VEPH1: variants seen among roughly 807,000 people sequenced by gnomAD.
VEPH1 encodes ventricular zone-expressed PH domain-containing protein homolog 1.
A neutral mutation model predicts 85.2 loss-of-function variants in VEPH1; 80 were observed. That is an observed-to-expected ratio of 0.94 (90% CI 0.78 to 1.13). The LOEUF is 1.13. Ranked by LOEUF, VEPH1 falls within the 50% of genes most tolerant of loss-of-function variation. The pLI is 0.00. For synonymous variants in VEPH1, 297 were observed against 348.0 expected, an observed-to-expected ratio of 0.85 and a Z score of 1.63; for missense variants, 955 against 980.5, an observed-to-expected ratio of 0.97 and a Z score of 0.35.
At chr3:157,439,435 G>A (rs1733938472) in intron 4 of VEPH1, among the ~76,000 whole-genome samples, 1 of 152,106 alleles carries the variant, frequency 6.6e-6, no homozygotes. Flanking sequence ...CTAAGAACCT[G>A]GTTTTAATTT....
intron 12 of VEPH1, among the ~76,000 whole-genome samples, chr3:157,280,591 CTA>C (rs1006469079): frequency 6.6e-6 from 1 of 152,146 alleles, no homozygotes; most frequent in Non-Finnish European, 1.5e-5. Context: ...AGCTCTTTGC[CTA>C]TGTGTATATT....
intron 6 of VEPH1, among the ~76,000 whole-genome samples, chr3:157,383,279 A>ACACAAT (rs1728960471): frequency 6.6e-6 from 1 of 152,188 alleles, no homozygotes; most frequent in African/African-American, 2.4e-5. Flanking sequence ...TTTAAAGAAC[A>ACACAAT]CACAATCCCC....
chr3:157,347,981 G>C (rs62278582), intron 9 of VEPH1, among the ~76,000 whole-genome samples: 33,538 of 152,176 alleles, frequency 0.22, 4,552 homozygotes, highest in Admixed American at 0.42. Flanking sequence ...CCTCCTCTGG[G>C]GGTCAGTGGC....
chr3:157,502,945 TAA>T (rs1257196427), intron 1 of VEPH1, among the ~76,000 whole-genome samples: 2 of 152,172 alleles, frequency 1.3e-5, no homozygotes, highest in African/African-American at 2.4e-5. Context: ...AACAAAAGTA[TAA>T]AATAGAAATG....
At chr3:157,264,567 T>C (rs1433660599) in intron 13 of VEPH1, among the ~76,000 whole-genome samples, 2 of 152,228 alleles carry the variant, frequency 1.3e-5, no homozygotes, top group Non-Finnish European at 2.9e-5. Context: ...AGAACATGCT[T>C]TGGTGTAACA....
At chr3:157,307,200 A>C (rs1719611938) in intron 11 of VEPH1, among the ~76,000 whole-genome samples, 1 of 150,808 alleles carries the variant, frequency 6.6e-6, no homozygotes, top group Non-Finnish European at 1.5e-5. Flanking sequence ...ATTAATGACT[A>C]TATATATATA....
intron 2 of VEPH1, among the ~76,000 whole-genome samples, chr3:157,477,446 G>T (rs1737586599): frequency 6.6e-6 from 1 of 151,996 alleles, no homozygotes; most frequent in African/African-American, 2.4e-5. Context: ...GCCCATGTAA[G>T]ATTACATTCA....
At chr3:157,451,056 T>C (rs1338930742) in intron 4 of VEPH1, among the ~76,000 whole-genome samples, 1 of 152,232 alleles carries the variant, frequency 6.6e-6, no homozygotes, top group African/African-American at 2.4e-5. Context: ...TTGTCTGGTA[T>C]TGATATCATG....
chr3:157,470,009 C>T (rs1029102699), intron 3 of VEPH1, among the ~76,000 whole-genome samples: 1 of 152,102 alleles, frequency 6.6e-6, no homozygotes, highest in Admixed American at 6.5e-5. Flanking sequence ...TTTTTTAGTA[C>T]TCCTCCTGTG....
intron 6 of VEPH1, among the ~76,000 whole-genome samples, chr3:157,406,776 C>T (rs1041549794): frequency 2.1e-5 from 3 of 145,330 alleles, no homozygotes; most frequent in Non-Finnish European, 4.5e-5. Context: ...AATTTTAAAG[C>T]ATCTTGTCTC....
chr3:157,389,545 G>C (rs1448723763), intron 6 of VEPH1, among the ~76,000 whole-genome samples: 1 of 152,074 alleles, frequency 6.6e-6, no homozygotes, highest in African/African-American at 2.4e-5. Context: ...TGCTTTCAAA[G>C]ACATTTTTAG....
chr3:157,437,728 G>C, intron 4 of VEPH1: 1 of 1,514,168 alleles, frequency 6.6e-7, no homozygotes, highest in Non-Finnish European at 8.8e-7. Context: ...GCTGACCAGT[G>C]CTCTGGACGA....
At chr3:157,375,454 G>A (rs186682983) in intron 7 of VEPH1, among the ~76,000 whole-genome samples, 138 of 152,288 alleles carry the variant, frequency 9.1e-4, no homozygotes, top group African/African-American at 3.0e-3. Flanking sequence ...AAAGGGCCTC[G>A]TAGTTGAAAA....
chr3:157,393,644 G>A (rs187573672), intron 6 of VEPH1, among the ~76,000 whole-genome samples: 51 of 152,078 alleles, frequency 3.4e-4, no homozygotes, highest in African/African-American at 3.6e-4. Flanking sequence ...TGCTACATAC[G>A]AAATAATATA....
chr3:157,342,092 C>T (rs1298319084), intron 9 of VEPH1, among the ~76,000 whole-genome samples: 30 of 151,892 alleles, frequency 2.0e-4, no homozygotes, highest in African/African-American at 6.5e-4. Flanking sequence ...TAAAGACCAT[C>T]GAGGCTAGGA....
At chr3:157,471,476 T>C (rs563884658) in intron 2 of VEPH1, among the ~76,000 whole-genome samples, 49 of 152,322 alleles carry the variant, frequency 3.2e-4, no homozygotes, top group African/African-American at 1.1e-3. Context: ...GTTTTACGAA[T>C]GTGAACTCCC....
intron 7 of VEPH1, among the ~76,000 whole-genome samples, 198 bp downstream of exon 7, chr3:157,380,958 A>C (rs902954192): frequency 5.3e-5 from 8 of 152,182 alleles, no homozygotes; most frequent in African/African-American, 1.4e-4. Context: ...GAACCTTTTA[A>C]ATTTATTGTT....
At chr3:157,409,868 A>C in intron 6 of VEPH1, 1 of 985,408 alleles carries the variant, frequency 1.0e-6, no homozygotes, top group Non-Finnish European at 1.2e-6. Context: ...GCAAACCCAC[A>C]GGAGACTCTG....
At chr3:157,435,351 C>A (rs1306274423) in intron 4 of VEPH1, among the ~76,000 whole-genome samples, 1 of 151,774 alleles carries the variant, frequency 6.6e-6, no homozygotes, top group Non-Finnish European at 1.5e-5. Flanking sequence ...TTTTTGTTTT[C>A]ACAGTGGCAG....
Sources: allele counts gnomAD v4.1 joint callset (sites outside exome capture counted in the v4.1 genomes callset), GRCh38; gene constraint gnomAD v4.1.1; transcripts MANE v1.5; gene names NCBI Gene and HGNC (gene_info 2026-07-23, HGNC 2026-07-21).